Variants in COX7B2 observed in about 807,000 individuals in gnomAD.
COX7B2 encodes cytochrome c oxidase subunit 7B2, also known as cytochrome c oxidase subunit 7B2, mitochondrial.
For synonymous variants in COX7B2, 37 were observed against 32.1 expected, an observed-to-expected ratio of 1.15 and a Z score of -0.51; for missense variants, 109 against 95.9, an observed-to-expected ratio of 1.14 and a Z score of -0.57.
chr4:46,748,936 T>C (rs1443442147), intron 2 of COX7B2, among the ~76,000 whole-genome samples: 1 of 152,174 alleles, frequency 6.6e-6, no homozygotes, highest in African/African-American at 2.4e-5. Flanking sequence ...TCTGCATATA[T>C]GAACTCTCTT....
intron 2 of COX7B2, among the ~76,000 whole-genome samples, chr4:46,762,881 A>G (rs1314592204): frequency 6.9e-6 from 1 of 145,854 alleles, no homozygotes; most frequent in Non-Finnish European, 1.5e-5. Context: ...GGGATCCTGT[A>G]TGCACAATCA....
intron 2 of COX7B2, among the ~76,000 whole-genome samples, chr4:46,752,831 T>C (rs898696281): frequency 6.6e-6 from 1 of 152,200 alleles, no homozygotes; most frequent in Non-Finnish European, 1.5e-5. Flanking sequence ...CAGTATTTTA[T>C]TGAGGATTTT....
rs141175675 is a variant in COX7B2, at chr4:46,768,410, G to A, written c.-49-33169C>T. 3.9e-3 allele frequency among the ~76,000 whole-genome samples: 596 copies of A among 152,170 alleles called. 5 individuals are homozygous for A. The highest frequency in any genetic ancestry group is 0.014 in the African/African-American group (569 of 41,514). ...ATGCTTCTCTCTTCCCTCCTCTGCC[G>A]TGCTACTCTGCTCCTCTGCCACTGG... is the stretch of plus-strand genomic sequence containing the variant. On this transcript the variant is annotated intron_variant, in intron 2 of 2. Coordinates refer to ENST00000355591, the MANE Select transcript of COX7B2 (RefSeq NM_130902.3).
intron 2 of COX7B2, among the ~76,000 whole-genome samples, chr4:46,753,149 G>A (rs1444905088): frequency 6.6e-6 from 1 of 152,084 alleles, no homozygotes; most frequent in Non-Finnish European, 1.5e-5. Flanking sequence ...GTCTGGGGAG[G>A]ATGTATGTGT....
intron 1 of COX7B2, among the ~76,000 whole-genome samples, chr4:46,899,431 A>G (rs1433695179): frequency 6.6e-6 from 1 of 152,194 alleles, no homozygotes; most frequent in African/African-American, 2.4e-5. Context: ...TTCAGTCTCA[A>G]TTCCTAGATA....
chr4:46,904,631 TAC>T, intron 1 of COX7B2, among the ~76,000 whole-genome samples: 1 of 152,282 alleles, frequency 6.6e-6, no homozygotes. Flanking sequence ...AATTTGGTAA[TAC>T]ACAAACATTA....
chr4:46,868,528 A>T (rs1717806966), intron 1 of COX7B2, among the ~76,000 whole-genome samples: 1 of 152,120 alleles, frequency 6.6e-6, no homozygotes, highest in Non-Finnish European at 1.5e-5. Flanking sequence ...TTCCCCCTTA[A>T]CACTGACTTA....
At chr4:46,882,540 T>A (rs924458214) in intron 1 of COX7B2, among the ~76,000 whole-genome samples, 7 of 152,236 alleles carry the variant, frequency 4.6e-5, no homozygotes, top group Admixed American at 1.3e-4. Flanking sequence ...CCTTTATCAT[T>A]ATGTAATGCC....
chr4:46,842,479 C>T (rs1038592295), intron 2 of COX7B2, among the ~76,000 whole-genome samples: 1 of 151,940 alleles, frequency 6.6e-6, no homozygotes, highest in Non-Finnish European at 1.5e-5. Flanking sequence ...TATACATGTG[C>T]CATGCTGATG....
At chr4:46,874,011 A>G (rs1008678249) in intron 1 of COX7B2, among the ~76,000 whole-genome samples, 6 of 152,168 alleles carry the variant, frequency 3.9e-5, no homozygotes, top group Non-Finnish European at 7.4e-5. Flanking sequence ...TTGATGTCCA[A>G]TGGGTAAATG....
chr4:46,905,152 G>T lies in COX7B2; in HGVS notation c.-105+4008C>A, dbSNP rs564534416. ...ATTTGGACACTTAAGTATTATACAA[G>T]TTTTTTTTTTTTAAGCAACAAACAA... On this transcript the variant is annotated intron_variant, in intron 1 of 2. Coordinates refer to ENST00000355591, the MANE Select transcript of COX7B2 (RefSeq NM_130902.3). Among the ~76,000 whole-genome samples, 55 of 148,174 alleles carry T rather than the reference G, an allele frequency of 3.7e-4. No homozygotes were observed. In the East Asian group the frequency reaches 7.3e-3, roughly 20 times the overall value.
chr4:46,799,704 CTTGATT>C (rs1718548344), intron 2 of COX7B2, among the ~76,000 whole-genome samples: 1 of 152,130 alleles, frequency 6.6e-6, no homozygotes, highest in Non-Finnish European at 1.5e-5. Context: ...ATAAAGCCTA[CTTGATT>C]TTGGTTGATC....
intron 2 of COX7B2, among the ~76,000 whole-genome samples, chr4:46,814,202 C>T (rs1397979070): frequency 2.0e-5 from 3 of 152,148 alleles, no homozygotes; most frequent in African/African-American, 4.8e-5. Flanking sequence ...ATTAAAGGGA[C>T]GGTTTTTAAA....
chr4:46,778,434 C>T (rs1284736097), intron 2 of COX7B2, among the ~76,000 whole-genome samples: 1 of 152,114 alleles, frequency 6.6e-6, no homozygotes, highest in Non-Finnish European at 1.5e-5. Context: ...TATGGTAACA[C>T]TGCATTTCTA....
intron 2 of COX7B2, among the ~76,000 whole-genome samples, chr4:46,752,302 C>T (rs1299270481): frequency 6.6e-6 from 1 of 151,176 alleles, no homozygotes; most frequent in Non-Finnish European, 1.5e-5. Context: ...TGCTTATCAG[C>T]TTAAGGAGAT....
At chr4:46,857,113 A>G (rs1255295443) in intron 1 of COX7B2, among the ~76,000 whole-genome samples, 1 of 152,212 alleles carries the variant, frequency 6.6e-6, no homozygotes, top group Non-Finnish European at 1.5e-5. Flanking sequence ...TGACAAGCCT[A>G]GTGGTTAAGG....
At chr4:46,807,875 G>A (rs1577588178) in intron 2 of COX7B2, among the ~76,000 whole-genome samples, 1 of 151,768 alleles carries the variant, frequency 6.6e-6, no homozygotes, top group Admixed American at 6.6e-5. Context: ...CTGTTCCACT[G>A]GTCCATGTAT....
chr4:46,803,759 C>G (rs891583193), intron 2 of COX7B2, among the ~76,000 whole-genome samples: 4 of 144,514 alleles, frequency 2.8e-5, no homozygotes, highest in African/African-American at 5.2e-5. Context: ...TTTTAACATT[C>G]CATGAGATTA....
At chr4:46,847,161 T>G (rs1400623323) in intron 1 of COX7B2, among the ~76,000 whole-genome samples, 2 of 151,772 alleles carry the variant, frequency 1.3e-5, no homozygotes, top group Non-Finnish European at 2.9e-5. Context: ...TGCTCCATTA[T>G]CCTCACCTTC....
Sources: gnomAD v4.1 joint callset for allele counts (sites outside exome capture counted in the v4.1 genomes callset) on GRCh38, gnomAD v4.1.1 for gene constraint, MANE v1.5 for transcripts, NCBI Gene and HGNC (gene_info 2026-07-23, HGNC 2026-07-21) for gene names.